Variants in PTBP1 observed in about 807,000 individuals in gnomAD.
The protein encoded by PTBP1 is polypyrimidine tract-binding protein 1.
PTBP1 carries 8 observed loss-of-function variants against 59.8 expected under a neutral mutation model. That is an observed-to-expected ratio of 0.13 (90% CI 0.08 to 0.24). PTBP1 has a LOEUF of 0.24. PTBP1 is among the 10% of genes least tolerant of loss of function. The pLI is 1.00. For missense variants in PTBP1, 686 were observed against 767.0 expected (o/e 0.89, Z 1.25); for synonymous variants, 490 against 320.7 (o/e 1.53, Z -5.64).
chr19:810,558 G>T lies in PTBP1; in HGVS notation c.1479G>T (p.Glu493Asp), dbSNP rs749288312. 1 of 1,613,482 alleles carries T rather than the reference G, an allele frequency of 6.2e-7. No individual in the cohort carries two copies. Among genetic ancestry groups the T allele is most frequent in the Non-Finnish European group, 8.5e-7 (1 of 1,179,796 alleles). Residue 493 changes from glutamate to aspartate, a missense_variant, in exon 14 of 15, where the codon GAG becomes GAT. Coordinates refer to ENST00000356948, the MANE Select transcript of PTBP1 (RefSeq NM_002819.5). The part of the protein sequence containing the change: ...HLSNIPPSVS[E>D]EDLKVLFSSN... ...CCTCCCACAGGCCCTCAGTCTCCGA[G>T]GAGGATCTCAAGGTCCTGTTTTCCA...
Position 811,432 on chromosome 19 carries a change from G to C in PTBP1, c.*606G>C, listed in dbSNP as rs537040076. 2 of 152,600 alleles carry C rather than the reference G, an allele frequency of 1.3e-5. 1 individual carries two copies. The highest frequency in any genetic ancestry group is 4.1e-4 in the South Asian group (2 of 4,830). The allele number at this position is 152,600 out of a possible 1,614,324, so 9.5% of individuals were successfully genotyped here. A position where few individuals can be genotyped will look rare whatever the true frequency, so the allele number is the denominator to read the frequency against. ...TGCGGAGCTGGTCGACATAATCTCT[G>C]TATTATATACTTTGCAGTTGCAGAC... On this transcript the variant is annotated 3_prime_UTR_variant, in exon 15 of 15. Transcript: ENST00000356948.
Position 808,140 on chromosome 19 carries a change from C to G in PTBP1, c.1154-220C>G. ...TCGGTGGCATATGCCACCGTGGCCA[C>G]CCGCTGGCAGCTTACCTGTCCTGGA... On this transcript the variant is annotated intron_variant, in intron 11 of 14. Coordinates refer to ENST00000356948, the MANE Select transcript of PTBP1 (RefSeq NM_002819.5). This position sits in a 1 kb window ranked among gnomAD's most constrained non-coding sequence, Gnocchi z 4.7. 1.6e-6 allele frequency: 1 copy of G among 631,344 alleles called. No homozygotes were observed. Among genetic ancestry groups the G allele is most frequent in the Non-Finnish European group, 2.8e-6 (1 of 353,650 alleles). The allele number at this position is 631,344 out of a possible 1,614,324, so 39.1% of individuals were successfully genotyped here.
At position 811,807 on chromosome 19, in the gene PTBP1, C is replaced by T. The variant is rs1220694304; in HGVS notation, c.*981C>T. On this transcript the variant is annotated 3_prime_UTR_variant, in exon 15 of 15. Coordinates refer to ENST00000356948, the MANE Select transcript of PTBP1 (RefSeq NM_002819.5). ...TACACCACGCCTTCACCTGCAGTCG[C>T]CTAGAAAACTTGCTCTCAAACTTCA... 2 of 152,500 alleles carry T rather than the reference C, an allele frequency of 1.3e-5. No homozygotes were observed. Among genetic ancestry groups the T allele is most frequent in the Non-Finnish European group, 2.9e-5 (2 of 68,042 alleles). The allele number at this position is 152,500 out of a possible 1,614,324, so 9.4% of individuals were successfully genotyped here. A position where few individuals can be genotyped will look rare whatever the true frequency, so the allele number is the denominator to read the frequency against.
chr19:805,171 C>T lies in PTBP1; in HGVS notation c.876C>T (p.Thr292=), dbSNP rs759223591. The T allele has an allele frequency of 1.9e-6, 3 of 1,613,388 alleles. No homozygotes were observed. The highest frequency in any genetic ancestry group is 2.2e-5 in the South Asian group (2 of 91,088). ...SGDSQPSLDQ[T]MAAAFGAPGI... ...ACAGCCAGCCCTCGCTGGACCAGAC[C>T]ATGGCCGCGGCCTTCGGTAAGAGGC... is the stretch of plus-strand genomic sequence containing the variant. The change falls in exon 8 of 15, where the codon ACC becomes ACT. Residue 292 remains threonine (T), a synonymous_variant. Coordinates refer to ENST00000356948, the MANE Select transcript of PTBP1 (RefSeq NM_002819.5).
intron 1 of PTBP1, among the ~76,000 whole-genome samples, chr19:797,809 G>A (rs1012332795): frequency 4.1e-5 from 6 of 145,492 alleles, no homozygotes; most frequent in African/African-American, 1.0e-4. Context: ...CCTTTGCCCC[G>A]CCTCGGCGGC....
chr19:806,002 C>T (rs939900746), intron 9 of PTBP1: 2 of 258,100 alleles, frequency 7.7e-6, no homozygotes, highest in Non-Finnish European at 7.4e-6. Context: ...CCGGCCGCCC[C>T]AGTGCTGGCC....
In PTBP1 at chr19:805,793, C is replaced by G. The variant is rs939417106; in HGVS notation, c.970+224C>G. On this transcript the variant is annotated intron_variant, in intron 9 of 14. Coordinates refer to ENST00000356948, the MANE Select transcript of PTBP1 (RefSeq NM_002819.5). ...CGTGTGGACGGCGCCAGCCAGAAGC[C>G]GCTAATCGCACAGTCTTTGTGGTCT... is the stretch of plus-strand genomic sequence containing the variant. 1.8e-5 allele frequency: 10 copies of G among 569,368 alleles called. No individual in the cohort carries two copies. The East Asian group carries it at 3.0e-4, about 17-fold the overall frequency. 35.3% of individuals were successfully genotyped at this position (569,368 alleles called of 1,614,324 possible).
intron 13 of PTBP1, among the ~76,000 whole-genome samples, chr19:809,238 A>G (rs1175138295): frequency 1.4e-5 from 2 of 146,448 alleles, no homozygotes; most frequent in African/African-American, 4.9e-5. Context: ...TGATCTCCTG[A>G]CCTTGTGATC....
At chr19:810,439 C>A in intron 13 of PTBP1, 104 bp from the exon 14 acceptor site, 1 of 948,472 alleles carries the variant, frequency 1.1e-6, no homozygotes, top group South Asian at 1.5e-5. Flanking sequence ...GGCCCTACGC[C>A]TTCCCCGGCT....
At chr19:802,995 CAG>C (rs1401027433) in intron 2 of PTBP1, among the ~76,000 whole-genome samples, 3 of 152,222 alleles carry the variant, frequency 2.0e-5, no homozygotes, top group African/African-American at 7.2e-5. Context: ...CTCGCGTGTG[CAG>C]AGACGGAGGT....
chr19:806,565 GC>G lies in PTBP1; in HGVS notation c.1119+10del. 1.3e-6 allele frequency: 2 copies of G among 1,491,422 alleles called. No homozygotes were observed. Among genetic ancestry groups the G allele is most frequent in the South Asian group, 1.3e-5 (1 of 75,034 alleles). 92.4% of individuals were successfully genotyped at this position (1,491,422 alleles called of 1,614,324 possible). A position where few individuals can be genotyped will look rare whatever the true frequency, so the allele number is the denominator to read the frequency against. On this transcript the variant is annotated intron_variant, in intron 10 of 14. Coordinates refer to ENST00000356948, the MANE Select transcript of PTBP1 (RefSeq NM_002819.5). The stretch of plus-strand genomic sequence containing the variant: ...GCAACCTCAACCCAGAGGTACGTGG[GC>G]TTTTCCTCCGCGCCGCCGTTCCTCC...
chr19:807,495 A>G (rs1021373138), intron 10 of PTBP1: 2 of 253,488 alleles, frequency 7.9e-6, no homozygotes, highest in Non-Finnish European at 1.5e-5. Flanking sequence ...ATAGAACACT[A>G]CCTGATTCTT....
chr19:807,104 C>G (rs1259823413), intron 10 of PTBP1: 1 of 147,482 alleles, frequency 6.8e-6, no homozygotes, highest in Non-Finnish European at 1.5e-5. Context: ...GTGACTTCCT[C>G]AAGGCGGTGC....
rs1032173623 is a variant in PTBP1 at position 811,504 on chromosome 19, T to A, written c.*678T>A. Reference sequence around the variant, plus strand: ...CAGTTGACCAAATATTCTAATCTTTTTTCATTTATATGCAAAAGAAATAGT... The same window carrying A: ...CAGTTGACCAAATATTCTAATCTTTATTCATTTATATGCAAAAGAAATAGT... On this transcript the variant is annotated 3_prime_UTR_variant, in exon 15 of 15. Transcript: ENST00000356948. 2 of 152,480 alleles carry A rather than the reference T, an allele frequency of 1.3e-5. No individual in the cohort carries two copies. Among genetic ancestry groups the A allele is most frequent in the African/African-American group, 4.8e-5 (2 of 41,454 alleles). The allele number at this position is 152,480 out of a possible 1,614,324, so 9.4% of individuals were successfully genotyped here.
intron 10 of PTBP1, chr19:807,381 C>T (rs778420371): frequency 1.3e-4 from 21 of 156,966 alleles, no homozygotes; most frequent in Non-Finnish European, 2.1e-4. Context: ...TTCTGGGAGC[C>T]CCTCCAGCAG....
rs1459940106 is a variant in PTBP1, at chr19:812,145, G to C, written c.*1319G>C. The C allele has an allele frequency of 6.6e-6, 1 of 152,418 alleles. No homozygotes were observed. The highest frequency in any genetic ancestry group is 2.4e-5 in the African/African-American group (1 of 41,448). The allele number at this position is 152,418 out of a possible 1,614,324, so 9.4% of individuals were successfully genotyped here. On this transcript the variant is annotated 3_prime_UTR_variant, in exon 15 of 15. Coordinates refer to ENST00000356948, the MANE Select transcript of PTBP1 (RefSeq NM_002819.5). ...GTATTGTGACCGCGGAGCCACAGGGGACCCCACGCACATTCCGTTGCCTTA... is the reference window on the plus strand; with the variant it reads ...GTATTGTGACCGCGGAGCCACAGGGCACCCCACGCACATTCCGTTGCCTTA...
In PTBP1 at chr19:810,808, C is replaced by T. The variant is rs1225227137; in HGVS notation, c.1656C>T (p.Phe552=). Residue 552 remains phenylalanine (F), a synonymous_variant, in exon 15 of 15, where the codon TTC becomes TTT. Transcript: ENST00000356948. Reference sequence around the variant, plus strand: ...AGAACCACCACCTGCGGGTCTCCTTCTCCAAGTCCACCATCTAGGGGCACA... The same window carrying T: ...AGAACCACCACCTGCGGGTCTCCTTTTCCAAGTCCACCATCTAGGGGCACA... The part of the protein sequence containing the change: ...LGENHHLRVS[F]SKSTI 2 of 1,586,002 alleles carry T rather than the reference C, an allele frequency of 1.3e-6. No homozygotes were observed. Among genetic ancestry groups the T allele is most frequent in the East Asian group, 2.3e-5 (1 of 43,426 alleles).
intron 1 of PTBP1, among the ~76,000 whole-genome samples, 197 bp downstream of exon 1, chr19:797,702 A>C (rs1361348424): frequency 6.9e-6 from 1 of 145,610 alleles, no homozygotes; most frequent in African/African-American, 2.5e-5. Flanking sequence ...CCGCGTCCCC[A>C]TCCCCCGTCC....
At chr19:805,260 G>T in intron 8 of PTBP1, 73 bp downstream of exon 8, 3 of 1,535,126 alleles carry the variant, frequency 2.0e-6, no homozygotes, top group Non-Finnish European at 2.7e-6. Context: ...AGCCCCGGCG[G>T]CACGGGCCCG....
Sources: allele counts gnomAD v4.1 joint callset (sites outside exome capture counted in the v4.1 genomes callset), GRCh38; gene constraint gnomAD v4.1.1; non-coding constraint Gnocchi (gnomAD v3.1); transcripts MANE v1.5; gene names NCBI Gene and HGNC (gene_info 2026-07-23, HGNC 2026-07-21).